Variants in SH3BP4 observed in about 807,000 individuals in gnomAD.
SH3BP4 encodes SH3 domain-binding protein 4.
SH3BP4 carries 33 observed loss-of-function variants against 65.5 expected under a neutral mutation model. The ratio of observed to expected loss-of-function variants is 0.50; its 90% CI spans 0.38 to 0.67. The LOEUF (loss-of-function observed/expected upper bound fraction) is 0.67, where lower values mean the gene tolerates loss of function less well. SH3BP4 is among the 30% of genes least tolerant of loss of function. SH3BP4 has a pLI of 0.00. For missense variants in SH3BP4, 1,134 were observed against 1,261.4 expected (o/e 0.90, Z 1.53); for synonymous variants, 552 against 545.5 (o/e 1.01, Z -0.17).
intron 1 of SH3BP4, among the ~76,000 whole-genome samples, chr2:234,973,433 T>C (rs545076552): frequency 1.4e-4 from 22 of 152,342 alleles, no homozygotes; most frequent in African/African-American, 5.3e-4. Context: ...CTAAGCAGTA[T>C]GTACAGCCTC....
chr2:235,010,023 T>A (rs1694426422), intron 2 of SH3BP4, among the ~76,000 whole-genome samples: 1 of 152,006 alleles, frequency 6.6e-6, no homozygotes, highest in Admixed American at 6.6e-5. Context: ...CTGGAGGGTC[T>A]TTTTTCAGGG....
Position 235,045,134 on chromosome 2 carries a change from G to C in SH3BP4, c.2478+1887G>C, listed in dbSNP as rs1055297827. 1.1e-4 allele frequency among the ~76,000 whole-genome samples: 16 copies of C among 152,248 alleles called. No individual in the cohort carries two copies. The highest frequency in any genetic ancestry group is 3.6e-4 in the African/African-American group (15 of 41,576). On this transcript the variant is annotated intron_variant, in intron 4 of 5. Coordinates refer to ENST00000392011, the MANE Select transcript of SH3BP4 (RefSeq NM_014521.3). This position sits in a 1 kb window ranked among gnomAD's most constrained non-coding sequence, Gnocchi z 4.3. The stretch of plus-strand genomic sequence containing the variant: ...CCGGGCCGTGGCCTGGTCTCCTCAC[G>C]GGTGCACCCAGCACAGTGGCAGACA...
chr2:234,989,619 G>A (rs1205721407), intron 1 of SH3BP4, among the ~76,000 whole-genome samples: 1 of 152,198 alleles, frequency 6.6e-6, no homozygotes, highest in Non-Finnish European at 1.5e-5. Flanking sequence ...TAAGGTCTGT[G>A]TCACAGCTCC....
chr2:234,954,714 T>C (rs1692549870), intron 1 of SH3BP4, among the ~76,000 whole-genome samples: 1 of 152,224 alleles, frequency 6.6e-6, no homozygotes, highest in South Asian at 2.1e-4. Flanking sequence ...ATGGTGAATG[T>C]GGTTTACGCC....
chr2:235,023,677 A>G (rs1694911956), intron 2 of SH3BP4, among the ~76,000 whole-genome samples: 1 of 152,214 alleles, frequency 6.6e-6, no homozygotes, highest in Admixed American at 6.5e-5. Flanking sequence ...TGCTACCTAG[A>G]GATAAAGTTA....
chr2:235,047,677 G>C (rs1018876639), intron 4 of SH3BP4, among the ~76,000 whole-genome samples: 17 of 152,340 alleles, frequency 1.1e-4, no homozygotes, highest in Middle Eastern at 3.4e-3. Context: ...AGCAGAAGCA[G>C]CCCACGGTGG....
intron 2 of SH3BP4, among the ~76,000 whole-genome samples, chr2:235,007,340 C>T (rs944726455): frequency 1.3e-5 from 2 of 152,194 alleles, no homozygotes; most frequent in Non-Finnish European, 2.9e-5. Flanking sequence ...CAGATACTGA[C>T]TCTCTGATCC....
chr2:234,989,883 A>G (rs1458330606), intron 1 of SH3BP4, among the ~76,000 whole-genome samples: 1 of 152,182 alleles, frequency 6.6e-6, no homozygotes, highest in Non-Finnish European at 1.5e-5. Flanking sequence ...TTTCAGGGTG[A>G]ACACCCCTCA....
At chr2:235,040,325 G>A (rs1267907191) in intron 3 of SH3BP4, among the ~76,000 whole-genome samples, 1 of 152,062 alleles carries the variant, frequency 6.6e-6, no homozygotes, top group Non-Finnish European at 1.5e-5. Context: ...GAAACAGTTT[G>A]GTGAGGAACA....
chr2:234,965,648 C>T (rs1692816534), intron 1 of SH3BP4, among the ~76,000 whole-genome samples: 1 of 152,158 alleles, frequency 6.6e-6, no homozygotes, highest in African/African-American at 2.4e-5. Flanking sequence ...TAGAAATTGG[C>T]TGCTTGCTAA....
At chr2:235,047,790 C>A (rs1029797841) in intron 4 of SH3BP4, among the ~76,000 whole-genome samples, 1 of 152,064 alleles carries the variant, frequency 6.6e-6, no homozygotes, top group Non-Finnish European at 1.5e-5. Flanking sequence ...GACCTGGAGC[C>A]GTCGGTGATG....
intron 2 of SH3BP4, among the ~76,000 whole-genome samples, chr2:235,029,841 T>C (rs1695122591): frequency 6.6e-6 from 1 of 152,132 alleles, no homozygotes; most frequent in South Asian, 2.1e-4. Flanking sequence ...TGCTCCACAG[T>C]CCATGCACTG....
chr2:235,022,071 G>A (rs1398879073), intron 2 of SH3BP4, among the ~76,000 whole-genome samples: 1 of 152,172 alleles, frequency 6.6e-6, no homozygotes, highest in African/African-American at 2.4e-5. Context: ...AGGCCTTTCT[G>A]TGCATCAAGG....
At chr2:235,002,187 A>G (rs1694123837) in intron 2 of SH3BP4, among the ~76,000 whole-genome samples, 1 of 152,146 alleles carries the variant, frequency 6.6e-6, no homozygotes, top group African/African-American at 2.4e-5. Context: ...AAACGATGCA[A>G]TTCTGGGGCC....
rs777443014 is a variant in SH3BP4, at chr2:235,041,684, A to G, written c.915A>G (p.Gln305=). Residue 305 remains glutamine, a synonymous_variant, in exon 4 of 6, where the codon CAA becomes CAG. Transcript: ENST00000392011. This position sits in a 1 kb window ranked among gnomAD's most constrained non-coding sequence, Gnocchi z 6.0. Reference sequence around the variant, plus strand: ...GCCACGACCTGGACTTGCTTGGCCAAAGCCCTGGTTGGGGCCAGACCCAAG... The same window carrying G: ...GCCACGACCTGGACTTGCTTGGCCAGAGCCCTGGTTGGGGCCAGACCCAAG... ...RSCHDLDLLG[Q]SPGWGQTQAV... 20 of 1,613,360 alleles carry G rather than the reference A, an allele frequency of 1.2e-5. No homozygotes were observed. Among genetic ancestry groups the G allele is most frequent in the Non-Finnish European group, 1.7e-5 (20 of 1,179,606 alleles).
chr2:235,038,289 AAT>A (rs1418733837), intron 3 of SH3BP4, among the ~76,000 whole-genome samples: 3,011 of 22,456 alleles, frequency 0.13, 441 homozygotes, highest in African/African-American at 0.47. Flanking sequence ...TATTATATAT[AAT>A]ATATATATTA....
chr2:235,049,929 A>G (rs1481244482), intron 4 of SH3BP4, among the ~76,000 whole-genome samples: 2 of 151,554 alleles, frequency 1.3e-5, no homozygotes, highest in Non-Finnish European at 2.9e-5. Flanking sequence ...CGGCCCACAC[A>G]GCAGGGAGGA....
At chr2:234,964,885 C>A (rs1309432606) in intron 1 of SH3BP4, among the ~76,000 whole-genome samples, 1 of 152,054 alleles carries the variant, frequency 6.6e-6, no homozygotes, top group Admixed American at 6.5e-5. Context: ...AGGGGGTGAC[C>A]CATCCATCAT....
intron 1 of SH3BP4, among the ~76,000 whole-genome samples, chr2:234,959,130 G>A (rs961197147): frequency 3.3e-5 from 5 of 152,072 alleles, no homozygotes; most frequent in Non-Finnish European, 7.4e-5. Context: ...GGGCTGGCTG[G>A]GGGGCCCATT....
Sources: allele counts gnomAD v4.1 joint callset (sites outside exome capture counted in the v4.1 genomes callset), GRCh38; gene constraint gnomAD v4.1.1; non-coding constraint Gnocchi (gnomAD v3.1); transcripts MANE v1.5; gene names NCBI Gene and HGNC (gene_info 2026-07-23, HGNC 2026-07-21).